The following ATL2 variants were observed in gnomAD, a reference collection of about 807,000 sequenced individuals.
ATL2 encodes atlastin-2.
ATL2 carries 31 observed loss-of-function variants against 73.9 expected under a neutral mutation model. That is an observed-to-expected ratio of 0.42 (90% CI 0.32 to 0.57). The LOEUF (loss-of-function observed/expected upper bound fraction) is 0.57. Among genes scored for constraint, ATL2 ranks in the 20% least tolerant of loss-of-function variants. The probability of loss-of-function intolerance (pLI) is 0.14; values close to 1 mark genes in which losing one functional copy is unlikely to be tolerated. For synonymous variants in ATL2, 291 were observed against 237.5 expected, an observed-to-expected ratio of 1.23 and a Z score of -2.07; for missense variants, 738 against 702.6, an observed-to-expected ratio of 1.05 and a Z score of -0.57.
chr2:38,322,829 T>A (rs1212466104), intron 2 of ATL2, among the ~76,000 whole-genome samples: 1 of 152,106 alleles, frequency 6.6e-6, no homozygotes, highest in East Asian at 1.9e-4. Flanking sequence ...CAGTGAGCTA[T>A]GATGATGCCA....
intron 1 of ATL2, chr2:38,376,306 T>TC: frequency 7.6e-7 from 1 of 1,311,612 alleles, no homozygotes; most frequent in Non-Finnish European, 9.9e-7. Context: ...AACTGCGTCT[T>TC]CGAGGGGGCA....
Position 38,294,137 on chromosome 2 carries a change from C to T in ATL2, c.*1857G>A, listed in dbSNP as rs993728367. 9.9e-5 allele frequency among the ~76,000 whole-genome samples: 15 copies of T among 152,174 alleles called. No individual in the cohort carries two copies. Among genetic ancestry groups the T allele is most frequent in the African/African-American group, 3.6e-4 (15 of 41,446 alleles). On this transcript the variant is annotated 3_prime_UTR_variant, in exon 13 of 13. Coordinates refer to ENST00000378954, the MANE Select transcript of ATL2 (RefSeq NM_001135673.4). Reference sequence around the variant, plus strand: ...GTTAGCAATTTAATACAGATGAAAACAAATACAATCCATATAAAAACAGAA... The same window carrying T: ...GTTAGCAATTTAATACAGATGAAAATAAATACAATCCATATAAAAACAGAA...
At chr2:38,343,176 AAAGATATAGTTCTGGTTTTTGTCT>A in intron 2 of ATL2, 68 bp downstream of exon 2, 7 of 665,762 alleles carry the variant, frequency 1.1e-5, no homozygotes, top group Non-Finnish European at 1.5e-5. Flanking sequence ...AAAAAAAAAA[AAAGATATAGTTCTGGTTTTTGTCT>A]ATTTTTTTAA....
chr2:38,304,415 GA>G (rs1371787050), intron 9 of ATL2, among the ~76,000 whole-genome samples: 1 of 152,150 alleles, frequency 6.6e-6, no homozygotes, highest in Non-Finnish European at 1.5e-5. Context: ...CAATCTGAAA[GA>G]AAAGGATTTT....
At chr2:38,355,771 C>T (rs187012577) in intron 1 of ATL2, among the ~76,000 whole-genome samples, 1 of 150,512 alleles carries the variant, frequency 6.6e-6, no homozygotes, top group Non-Finnish European at 1.5e-5. Context: ...GCCATCTCGG[C>T]TCACTGCAAC....
intron 1 of ATL2, chr2:38,359,480 A>AAC (rs1449361135): frequency 4.6e-5 from 7 of 151,306 alleles, no homozygotes; most frequent in African/African-American, 1.7e-4. Context: ...TCCATCTCAA[A>AAC]AAAAAAAAAA....
chr2:38,374,688 T>C (rs1671864943), intron 1 of ATL2, among the ~76,000 whole-genome samples: 1 of 152,238 alleles, frequency 6.6e-6, no homozygotes, highest in African/African-American at 2.4e-5. Context: ...ATTTAAAAAA[T>C]ATATGTTGAA....
chr2:38,298,998 C>T (rs1667048999), intron 11 of ATL2, among the ~76,000 whole-genome samples: 1 of 152,152 alleles, frequency 6.6e-6, no homozygotes, highest in Non-Finnish European at 1.5e-5. Context: ...CCAATAACAG[C>T]ACTCTGAATC....
intron 1 of ATL2, among the ~76,000 whole-genome samples, chr2:38,346,517 G>T (rs773544093): frequency 4.6e-5 from 7 of 152,120 alleles, no homozygotes; most frequent in Non-Finnish European, 1.0e-4. Flanking sequence ...TGGTACCAGG[G>T]TCTGGTTTCA....
At chr2:38,349,788 C>A (rs1317328537) in intron 1 of ATL2, among the ~76,000 whole-genome samples, 2 of 152,130 alleles carry the variant, frequency 1.3e-5, no homozygotes, top group African/African-American at 4.8e-5. Context: ...TTTATTAGCA[C>A]AGACAAAGAC....
At chr2:38,321,636 GAA>G (rs1242890768) in intron 2 of ATL2, among the ~76,000 whole-genome samples, 2 of 152,212 alleles carry the variant, frequency 1.3e-5, no homozygotes, top group Non-Finnish European at 2.9e-5. Flanking sequence ...CTGTCCTGCT[GAA>G]AAGTCATCTG....
chr2:38,299,273 A>T lies in ATL2; in HGVS notation c.1183T>A (p.Cys395Ser). Residue 395 changes from cysteine to serine, a missense_variant, in exon 11 of 13, where the codon TGT (cysteine) becomes AGT (serine). Cys to Ser is a moderately radical substitution (Grantham distance 112). Coordinates refer to ENST00000378954, the MANE Select transcript of ATL2 (RefSeq NM_001135673.4). ...GTACAAACCTGTTCCATACTTTTAC[A>T]ATAGGTATCTCTTGCTCCTGCTACT... ...AAVAGARDTY[C>S]KSMEQVCGGD... The T allele has an allele frequency of 6.6e-7, 1 of 1,520,520 alleles. No individual in the cohort carries two copies. The highest frequency in any genetic ancestry group is 8.7e-7 in the Non-Finnish European group (1 of 1,145,524). The allele number at this position is 1,520,520 out of a possible 1,614,324, so 94.2% of individuals were successfully genotyped here.
At chr2:38,312,474 G>A (rs983794510) in intron 7 of ATL2, among the ~76,000 whole-genome samples, 3 of 152,024 alleles carry the variant, frequency 2.0e-5, no homozygotes, top group Admixed American at 6.6e-5. Context: ...ACTTTGGGAG[G>A]CCGAGGTAGG....
chr2:38,298,750 C>CA lies in ATL2; in HGVS notation c.1201-176_1201-175insT. On this transcript the variant is annotated intron_variant, in intron 11 of 12. Coordinates refer to ENST00000378954, the MANE Select transcript of ATL2 (RefSeq NM_001135673.4). ...ATCTAGTTATTGTTTATATGTTGAA[C>CA]CTACTCAAGCAAAATCATTTTCCAA... Among the ~76,000 whole-genome samples the CA allele has an allele frequency of 2.0e-5, 3 of 152,246 alleles. No individual in the cohort carries two copies. The East Asian group carries it at 5.8e-4, about 29-fold the overall frequency.
rs375297885 is a variant in ATL2, at chr2:38,341,463, C to T, written c.363+1805G>A. Among the ~76,000 whole-genome samples the T allele has an allele frequency of 4.4e-4, 67 of 152,094 alleles. 3 individuals carry two copies. In the South Asian group the frequency reaches 7.5e-3, roughly 17 times the overall value. ...ACCAGCCTGGACAACATAGTGAGAACCCCATCTTTACAAAAAATTTAAAAA... is the reference window on the plus strand; with the variant it reads ...ACCAGCCTGGACAACATAGTGAGAATCCCATCTTTACAAAAAATTTAAAAA... On this transcript the variant is annotated intron_variant, in intron 2 of 12. Coordinates refer to ENST00000378954, the MANE Select transcript of ATL2 (RefSeq NM_001135673.4).
intron 2 of ATL2, among the ~76,000 whole-genome samples, chr2:38,341,739 A>AT (rs1669731188): frequency 6.6e-6 from 1 of 152,238 alleles, no homozygotes; most frequent in Non-Finnish European, 1.5e-5. Flanking sequence ...AAACTATGCT[A>AT]TTGATACTCA....
upstream of ATL2, chr2:38,377,369 C>T: frequency 1.2e-6 from 1 of 823,908 alleles, no homozygotes; most frequent in Non-Finnish European, 1.8e-6. Flanking sequence ...CCGCTCTCCG[C>T]CTGTATCTCC....
At chr2:38,317,696 TTTTG>T (rs754813072) in intron 4 of ATL2, among the ~76,000 whole-genome samples, 38 of 152,190 alleles carry the variant, frequency 2.5e-4, no homozygotes, top group Non-Finnish European at 4.4e-4. Context: ...TACCTGGGTT[TTTTG>T]TTTGTTTTAG....
chr2:38,295,959 A>G lies in ATL2; in HGVS notation c.*35T>C, dbSNP rs1427916926. The G allele has an allele frequency of 1.1e-5, 17 of 1,479,830 alleles. No individual in the cohort carries two copies. The highest frequency in any genetic ancestry group is 1.6e-5 in the Non-Finnish European group (17 of 1,091,058). The allele number at this position is 1,479,830 out of a possible 1,614,324, so 91.7% of individuals were successfully genotyped here. ...TTCTCATTGTACAGCAAGCATGAAA[A>G]AAAAAGAGAGTGGAGTCCGTGAGGA... On this transcript the variant is annotated 3_prime_UTR_variant, in exon 13 of 13. Transcript: ENST00000378954.
Sources: gnomAD v4.1 joint callset for allele counts (sites outside exome capture counted in the v4.1 genomes callset) on GRCh38, gnomAD v4.1.1 for gene constraint, MANE v1.5 for transcripts, NCBI Gene and HGNC (gene_info 2026-07-23, HGNC 2026-07-21) for gene names.